Variants in HEATR4 observed in about 807,000 individuals in gnomAD.
The protein encoded by HEATR4 is HEAT repeat-containing protein 4.
In HEATR4, 95 loss-of-function variants were observed where a neutral mutation model predicts 108.8. The observed-to-expected ratio is 0.87, with a 90% CI of 0.74 to 1.04. The LOEUF is 1.04. Ranked by LOEUF, HEATR4 falls within the 50% of genes least tolerant of loss-of-function variation. The probability of loss-of-function intolerance (pLI) is 0.00; values close to 1 mark genes in which losing one functional copy is unlikely to be tolerated. For synonymous variants in HEATR4, 443 were observed against 459.4 expected (o/e 0.96, Z 0.46); for missense variants, 1,152 against 1,253.8 (o/e 0.92, Z 1.23).
intron 17 of HEATR4, among the ~76,000 whole-genome samples, chr14:73,485,868 CAA>C (rs60903942): frequency 4.0e-4 from 58 of 146,454 alleles, no homozygotes; most frequent in East Asian, 1.4e-3. Flanking sequence ...GACTCTGTCT[CAA>C]AAAAAAAAAA....
chr14:73,560,082 C>T (rs933889345), upstream of HEATR4, among the ~76,000 whole-genome samples: 1 of 152,100 alleles, frequency 6.6e-6, no homozygotes, highest in African/African-American at 2.4e-5. Context: ...TATAATTTCA[C>T]ACGTACAGAA....
chr14:73,593,073 T>C, the HEATR4 span, among the ~76,000 whole-genome samples: 13 of 152,230 alleles, frequency 8.5e-5, no homozygotes, highest in African/African-American at 2.9e-4. Flanking sequence ...TAAGGCAGAA[T>C]GATGACAGTG....
the HEATR4 span, among the ~76,000 whole-genome samples, chr14:73,572,372 C>G: frequency 1.3e-5 from 2 of 151,674 alleles, no homozygotes; most frequent in Admixed American, 1.3e-4. Context: ...ATGGATGAAT[C>G]TCCAAACCAC....
the HEATR4 span, among the ~76,000 whole-genome samples, chr14:73,627,998 G>A: frequency 3.9e-5 from 6 of 152,058 alleles, no homozygotes; most frequent in Admixed American, 1.3e-4. Context: ...TAGTAGAGAC[G>A]GAGTCTTGCT....
intron 2 of HEATR4, among the ~76,000 whole-genome samples, chr14:73,526,049 A>G (rs1051670951): frequency 4.6e-5 from 7 of 151,884 alleles, no homozygotes; most frequent in Non-Finnish European, 1.0e-4. Flanking sequence ...GGCACTGAAG[A>G]GGGTGGGAAA....
At position 73,496,656 on chromosome 14, in the gene HEATR4, A is replaced by G. The variant is rs765823907; in HGVS notation, c.2570T>C (p.Ile857Thr). The stretch of plus-strand genomic sequence containing the variant: ...GTTTCCTTCATTTCCTAAGTTGAGT[A>G]TCTTCATTGTCTGGTACATTTCTCT... ...VLKEMYQTMK[I>T]LNLGNEGNQE... Residue 857 changes from isoleucine to threonine, a missense_variant, in exon 15 of 18, where the codon ATA becomes ACA. By Grantham distance (89) the Ile-to-Thr change is moderately conservative. Coordinates refer to ENST00000553558, the MANE Select transcript of HEATR4 (RefSeq NM_001220484.1). 3.8e-6 allele frequency: 6 copies of G among 1,590,228 alleles called. No homozygotes were observed. The highest frequency in any genetic ancestry group is 4.5e-5 in the East Asian group (2 of 44,758).
intron 2 of HEATR4, among the ~76,000 whole-genome samples, chr14:73,528,178 T>A (rs902579812): frequency 2.0e-5 from 3 of 151,856 alleles, no homozygotes; most frequent in African/African-American, 4.8e-5. Context: ...GCAGATCACC[T>A]GAGGTCAGGA....
At position 73,542,861 on chromosome 14, in the gene HEATR4, G is replaced by T. The variant is rs2140315083; in HGVS notation, c.-151-12617C>A. Among the ~76,000 whole-genome samples the T allele has an allele frequency of 1.8e-5, 2 of 112,546 alleles. 1 individual carries two copies. The highest frequency in any genetic ancestry group is 5.6e-4 in the South Asian group (2 of 3,584). The allele number at this position is 112,546 out of a possible 152,430, so 73.8% of individuals were successfully genotyped here. ...AGATCTTCCACATGGTTATCACCAA[G>T]AGTGGTGATGGACAAATTGTGGAAA... On this transcript the variant is annotated intron_variant, in intron 1 of 17. Transcript: ENST00000553558.
chr14:73,602,648 G>C, the HEATR4 span, among the ~76,000 whole-genome samples: 1 of 152,088 alleles, frequency 6.6e-6, no homozygotes, highest in Admixed American at 6.6e-5. Context: ...AGTCCCCCAG[G>C]GATCCTGGCA....
Position 73,500,209 on chromosome 14 carries a change from C to T in HEATR4, c.2286+341G>A, listed in dbSNP as rs11845641. ...GGCGCCACTGCACTCCAGCTTGGGT[C>T]ACAGAGCGAGACTCCGTCTCAAAAC... On this transcript the variant is annotated intron_variant, in intron 12 of 17. Transcript: ENST00000553558. 7.5e-3 allele frequency among the ~76,000 whole-genome samples: 1,143 copies of T among 151,534 alleles called. 14 individuals are homozygous for T. Among genetic ancestry groups the T allele is most frequent in the African/African-American group, 0.026 (1,086 of 41,254 alleles).
chr14:73,519,222 G>A (rs1181625393), intron 4 of HEATR4, 59 bp from the exon 5 acceptor site: 10 of 1,534,188 alleles, frequency 6.5e-6, no homozygotes, highest in Admixed American at 1.9e-5. Context: ...CTTTCTCCCT[G>A]GGTTCCTAAT....
chr14:73,501,910 C>G (rs1479714731), intron 11 of HEATR4, among the ~76,000 whole-genome samples: 1 of 151,844 alleles, frequency 6.6e-6, no homozygotes, highest in East Asian at 1.9e-4. Context: ...CCCGCCACCA[C>G]GCCCTTTTGT....
chr14:73,482,033 AG>A (rs1156315036), intron 17 of HEATR4, among the ~76,000 whole-genome samples: 1 of 151,916 alleles, frequency 6.6e-6, no homozygotes, highest in Non-Finnish European at 1.5e-5. Context: ...AAAAAAGGAG[AG>A]GAAAAAAGAA....
chr14:73,625,924 C>T, the HEATR4 span, among the ~76,000 whole-genome samples: 1 of 152,216 alleles, frequency 6.6e-6, no homozygotes, highest in African/African-American at 2.4e-5. Context: ...AGTCTCGGGT[C>T]TCTCACTTTA....
At chr14:73,584,551 A>G in the HEATR4 span, among the ~76,000 whole-genome samples, 2 of 146,874 alleles carry the variant, frequency 1.4e-5, no homozygotes, top group Non-Finnish European at 3.0e-5. Flanking sequence ...CTGTGCTGCA[A>G]ACCCTGCTGT....
rs1265759541 is a variant in HEATR4 at position 73,535,555 on chromosome 14, G to A, written c.-151-5311C>T. ...GCCATCTTGGCTCACTGCAAGCACT[G>A]CCTCCAGGGTTCACGCCATTCTCCT... On this transcript the variant is annotated intron_variant, in intron 1 of 17. Coordinates refer to ENST00000553558, the MANE Select transcript of HEATR4 (RefSeq NM_001220484.1). 4.9e-4 allele frequency among the ~76,000 whole-genome samples: 40 copies of A among 82,180 alleles called. 8 individuals carry two copies. The highest frequency in any genetic ancestry group is 1.5e-3 in the African/African-American group (38 of 24,946). The allele number at this position is 82,180 out of a possible 152,430, so 53.9% of individuals were successfully genotyped here.
chr14:73,576,793 CAAAAAAAAA>C, the HEATR4 span, among the ~76,000 whole-genome samples: 14 of 12,106 alleles, frequency 1.2e-3, 1 homozygote, highest in African/African-American at 3.0e-3. Context: ...GACACAGTCT[CAAAAAAAAA>C]AAAAAAAAAA....
At chr14:73,597,433 G>A in the HEATR4 span, among the ~76,000 whole-genome samples, 18 of 151,936 alleles carry the variant, frequency 1.2e-4, no homozygotes, top group Admixed American at 2.0e-4. Context: ...TGGCCAGGCT[G>A]GGGTGCAGTG....
chr14:73,519,120 C>T lies in HEATR4; in HGVS notation c.1113G>A (p.Gln371=). Residue 371 remains glutamine, a synonymous_variant, in exon 5 of 18, where the codon CAG becomes CAA. Coordinates refer to ENST00000553558, the MANE Select transcript of HEATR4 (RefSeq NM_001220484.1). ...IIHQIGAKRD[Q]IVLENLNRYN... is the part of the protein sequence containing the mutation. The stretch of plus-strand genomic sequence containing the variant: ...ACCGATTTAGGTTTTCCAGGACAAT[C>T]TGGTCTCTCTTTGCACCAATCTGGT... 6.2e-7 allele frequency: 1 copy of T among 1,613,908 alleles called. No individual in the cohort carries two copies. The highest frequency in any genetic ancestry group is 1.6e-4 in the Middle Eastern group (1 of 6,062).
Sources: gnomAD v4.1 joint callset for allele counts (sites outside exome capture counted in the v4.1 genomes callset) on GRCh38, gnomAD v4.1.1 for gene constraint, MANE v1.5 for transcripts, NCBI Gene and HGNC (gene_info 2026-07-23, HGNC 2026-07-21) for gene names.